ASIC2: variants seen among roughly 807,000 people sequenced by gnomAD.
ASIC2 encodes acid sensing ion channel subunit 2.
A neutral mutation model predicts 57.3 loss-of-function variants in ASIC2; 25 were observed. The observed-to-expected ratio is 0.44, with a 90% CI of 0.32 to 0.61. The LOEUF (loss-of-function observed/expected upper bound fraction) is 0.61, where lower values mean the gene tolerates loss of function less well. Ranked by LOEUF, ASIC2 falls within the 20% of genes least tolerant of loss-of-function variation. The probability of loss-of-function intolerance (pLI) is 0.06; values close to 1 mark genes in which losing one functional copy is unlikely to be tolerated. For missense variants in ASIC2, 641 were observed against 738.1 expected (o/e 0.87, Z 1.52); for synonymous variants, 319 against 307.5 (o/e 1.04, Z -0.39).
At chr17:33,601,036 G>A (rs534435981) in intron 1 of ASIC2, among the ~76,000 whole-genome samples, 2 of 152,294 alleles carry the variant, frequency 1.3e-5, no homozygotes, top group African/African-American at 4.8e-5. Flanking sequence ...TCAAGGTGCT[G>A]TATGGCTTCT....
At chr17:33,500,255 C>T (rs1262421521) in intron 1 of ASIC2, among the ~76,000 whole-genome samples, 2 of 152,036 alleles carry the variant, frequency 1.3e-5, no homozygotes, top group African/African-American at 4.8e-5. Context: ...CCACGTGTGA[C>T]AGCAGCATAG....
chr17:33,533,671 G>A (rs1915131450), intron 1 of ASIC2: 1 of 152,196 alleles, frequency 6.6e-6, no homozygotes, highest in African/African-American at 2.4e-5. Flanking sequence ...AGTTGTAGGA[G>A]ACCTGGGGAA....
chr17:33,725,958 G>A (rs1459034055), intron 1 of ASIC2, among the ~76,000 whole-genome samples: 2 of 152,180 alleles, frequency 1.3e-5, no homozygotes, highest in African/African-American at 4.8e-5. Context: ...GCATTCTTAT[G>A]GGGTTCCCAA....
At chr17:33,564,496 T>C (rs1261559381) in intron 1 of ASIC2, among the ~76,000 whole-genome samples, 2 of 152,220 alleles carry the variant, frequency 1.3e-5, no homozygotes, top group East Asian at 1.9e-4. Context: ...TACAAAACTC[T>C]GTTTGGGTTT....
rs1490528459 is a variant in ASIC2 at position 33,877,259 on chromosome 17, CGGACAGTGGGTGCA to C, written c.555+278705_555+278718del. Among the ~76,000 whole-genome samples, 7 of 152,100 alleles carry C rather than the reference CGGACAGTGGGTGCA, an allele frequency of 4.6e-5. No homozygotes were observed. In the South Asian group the frequency reaches 1.2e-3, roughly 27 times the overall value. On this transcript the variant is annotated intron_variant, in intron 1 of 9. Transcript: ENST00000359872. ...CCGGGTTCATCTCACTGGGGAGTGT[CGGACAGTGGGTGCA>C]GGACAGTGGGTGCAGCACACCGAGC...
At chr17:33,239,215 C>T (rs111549868) in intron 1 of ASIC2, among the ~76,000 whole-genome samples, 3,854 of 150,394 alleles carry the variant, frequency 0.026, 174 homozygotes, top group African/African-American at 0.089. Context: ...TGCTTGAACC[C>T]GGGAGGCGGA....
intron 1 of ASIC2, among the ~76,000 whole-genome samples, chr17:33,214,935 C>A (rs1281785033): frequency 6.6e-6 from 1 of 152,262 alleles, no homozygotes; most frequent in South Asian, 2.1e-4. Flanking sequence ...AGACATACAC[C>A]CAGAGTCACA....
chr17:33,466,126 G>A (rs926908538), intron 1 of ASIC2, among the ~76,000 whole-genome samples: 2 of 152,154 alleles, frequency 1.3e-5, no homozygotes, highest in Non-Finnish European at 2.9e-5. Context: ...AAGCTGATAA[G>A]CAACTTCAGC....
At chr17:33,896,376 T>C (rs1015124563) in intron 1 of ASIC2, among the ~76,000 whole-genome samples, 2 of 152,242 alleles carry the variant, frequency 1.3e-5, no homozygotes, top group Admixed American at 1.3e-4. Context: ...CTCCATCAGA[T>C]GTTTTTTTGG....
At chr17:33,854,704 G>C (rs1400575443) in intron 1 of ASIC2, among the ~76,000 whole-genome samples, 4 of 152,098 alleles carry the variant, frequency 2.6e-5, no homozygotes, top group African/African-American at 9.7e-5. Flanking sequence ...TGGCCCCTGT[G>C]GATTGCCTTA....
intron 1 of ASIC2, among the ~76,000 whole-genome samples, chr17:33,321,198 T>C (rs1906854561): frequency 6.6e-6 from 1 of 152,230 alleles, no homozygotes; most frequent in South Asian, 2.1e-4. Flanking sequence ...ATAAAGTAAC[T>C]ATTAGTTGAA....
At chr17:33,759,203 A>T (rs1014309138) in intron 1 of ASIC2, among the ~76,000 whole-genome samples, 5 of 152,214 alleles carry the variant, frequency 3.3e-5, no homozygotes, top group African/African-American at 9.6e-5. Flanking sequence ...ACTGGAGTAA[A>T]GGCCATCCTT....
chr17:33,848,737 G>T (rs1338062072), intron 1 of ASIC2, among the ~76,000 whole-genome samples: 1 of 152,162 alleles, frequency 6.6e-6, no homozygotes, highest in Non-Finnish European at 1.5e-5. Context: ...TACCTGGAAG[G>T]CAGGCAGGCT....
Position 33,429,870 on chromosome 17 carries a change from G to C in ASIC2, c.556-317803C>G, listed in dbSNP as rs188169416. On this transcript the variant is annotated intron_variant, in intron 1 of 9. Coordinates refer to the ASIC2 transcript ENST00000359872. The stretch of plus-strand genomic sequence containing the variant: ...TATGTTCCTAGAAACCATGGCTAAG[G>C]GGGGTGGCCCAGTGGCAATTGGTGA... Among the ~76,000 whole-genome samples the C allele has an allele frequency of 1.1e-3, 170 of 152,282 alleles. 1 individual carries two copies. Among genetic ancestry groups the C allele is most frequent in the Admixed American group, 0.01 (158 of 15,302 alleles).
At chr17:33,701,671 G>A (rs1908705423) in intron 1 of ASIC2, among the ~76,000 whole-genome samples, 1 of 152,194 alleles carries the variant, frequency 6.6e-6, no homozygotes, top group Non-Finnish European at 1.5e-5. Flanking sequence ...GGCATTCTAT[G>A]CTGAGACAGC....
chr17:33,367,643 A>G (rs1908865935), intron 1 of ASIC2, among the ~76,000 whole-genome samples: 1 of 152,204 alleles, frequency 6.6e-6, no homozygotes, highest in Non-Finnish European at 1.5e-5. Context: ...GAGCAAAATC[A>G]GAGCCTTCCT....
intron 1 of ASIC2, among the ~76,000 whole-genome samples, chr17:34,095,692 TTTATATAGAGATATA>T (rs1910515828): frequency 7.0e-6 from 1 of 143,810 alleles, no homozygotes; most frequent in Admixed American, 7.1e-5. Flanking sequence ...TATATATAAT[TTTATATAGAGATATA>T]TAATTTTATA....
chr17:33,053,532 T>C (rs2091985859), intron 3 of ASIC2, among the ~76,000 whole-genome samples: 1 of 152,216 alleles, frequency 6.6e-6, no homozygotes, highest in African/African-American at 2.4e-5. Context: ...CCTTCTTCTC[T>C]AAGTTGAGGC....
chr17:33,889,550 C>T (rs1914912237), intron 1 of ASIC2, among the ~76,000 whole-genome samples: 2 of 147,356 alleles, frequency 1.4e-5, no homozygotes, highest in African/African-American at 5.1e-5. Flanking sequence ...ACAATTCTCT[C>T]AGTTATAAAA....
Sources: gnomAD v4.1 joint callset for allele counts (sites outside exome capture counted in the v4.1 genomes callset) on GRCh38, gnomAD v4.1.1 for gene constraint, MANE v1.5 for transcripts, NCBI Gene and HGNC (gene_info 2026-07-23, HGNC 2026-07-21) for gene names.